The following CAMKMT variants were observed in gnomAD, a reference collection of about 807,000 sequenced individuals.
CAMKMT encodes calmodulin-lysine N-methyltransferase.
Under a neutral mutation model 48.0 loss-of-function variants are expected in CAMKMT, and 53 were observed. That is an observed-to-expected ratio of 1.10 (90% CI 0.89 to 1.39). CAMKMT has a LOEUF of 1.39. Ranked by LOEUF, CAMKMT falls within the 40% of genes most tolerant of loss-of-function variation. The pLI is 0.00. For missense variants in CAMKMT, 428 were observed against 402.7 expected (o/e 1.06, Z -0.54); for synonymous variants, 165 against 152.3 (o/e 1.08, Z -0.61).
intron 3 of CAMKMT, among the ~76,000 whole-genome samples, chr2:44,481,054 C>T (rs1317725101): frequency 6.6e-6 from 1 of 151,732 alleles, no homozygotes; most frequent in Admixed American, 6.6e-5. Context: ...ATAGTATGTT[C>T]AGAATGATGT....
chr2:44,470,036 A>G (rs1442156489), intron 3 of CAMKMT, among the ~76,000 whole-genome samples: 2 of 152,002 alleles, frequency 1.3e-5, no homozygotes, highest in Non-Finnish European at 2.9e-5. Context: ...TTCTGTATCT[A>G]TCCATAGATA....
chr2:44,704,326 G>A lies in CAMKMT; in HGVS notation c.420G>A (p.Lys140=). 1 of 1,609,430 alleles carries A rather than the reference G, an allele frequency of 6.2e-7. No individual in the cohort carries two copies. The highest frequency in any genetic ancestry group is 8.5e-7 in the Non-Finnish European group (1 of 1,177,510). ...AGGTTTTGGCTTACTACTGCCTCAA[G>A]CACAATAATATATTCAGGTACAGAG... ...SEEVLAYYCL[K]HNNIFRALAV... Residue 140 remains lysine, a synonymous_variant, in exon 4 of 11, where the codon AAG becomes AAA. Coordinates refer to ENST00000378494, the MANE Select transcript of CAMKMT (RefSeq NM_024766.5).
chr2:44,755,432 G>A (rs1344875646), intron 9 of CAMKMT, among the ~76,000 whole-genome samples: 1 of 152,054 alleles, frequency 6.6e-6, no homozygotes, highest in Non-Finnish European at 1.5e-5. Context: ...GATTTTCAGG[G>A]GCGGCTCAAG....
At chr2:44,526,473 A>G (rs988414686) in intron 3 of CAMKMT, among the ~76,000 whole-genome samples, 2 of 152,310 alleles carry the variant, frequency 1.3e-5, no homozygotes, top group East Asian at 1.9e-4. Context: ...GGAGGCCCAG[A>G]AAAGCTGGTC....
intron 3 of CAMKMT, among the ~76,000 whole-genome samples, chr2:44,683,792 C>T (rs1482000026): frequency 1.6e-5 from 2 of 124,678 alleles, no homozygotes; most frequent in Non-Finnish European, 3.1e-5. Flanking sequence ...CACTGCACAC[C>T]AGCCTGGGCG....
intron 8 of CAMKMT, among the ~76,000 whole-genome samples, chr2:44,750,881 C>T (rs543047577): frequency 5.3e-5 from 8 of 152,060 alleles, no homozygotes; most frequent in African/African-American, 1.7e-4. Context: ...GGCATGATGG[C>T]GCATGTCTGT....
At chr2:44,704,454 G>C (rs746671182) in intron 4 of CAMKMT, 111 bp downstream of exon 4, 41 of 728,328 alleles carry the variant, frequency 5.6e-5, no homozygotes, top group Non-Finnish European at 7.9e-5. Context: ...AAAAATATAA[G>C]AAAAGAAAAA....
At position 44,424,297 on chromosome 2, in the gene CAMKMT, G is replaced by C. The variant is rs1684121303; in HGVS notation, c.376+33992G>C. Reference sequence around the variant, plus strand: ...TTTAGGAAGGAATGGGCTTTAGTCAGCTGGGAGCATCGGTAGACGCTCATC... The same window carrying C: ...TTTAGGAAGGAATGGGCTTTAGTCACCTGGGAGCATCGGTAGACGCTCATC... On this transcript the variant is annotated intron_variant, in intron 3 of 10. Coordinates refer to ENST00000378494, the MANE Select transcript of CAMKMT (RefSeq NM_024766.5). Among the ~76,000 whole-genome samples the C allele has an allele frequency of 1.3e-5, 2 of 151,962 alleles. 1 individual carries two copies. Among genetic ancestry groups the C allele is most frequent in the South Asian group, 4.2e-4 (2 of 4,810 alleles).
intron 3 of CAMKMT, among the ~76,000 whole-genome samples, chr2:44,608,696 A>C (rs1055226885): frequency 4.6e-5 from 7 of 152,108 alleles, no homozygotes; most frequent in African/African-American, 1.2e-4. Context: ...TCTGGATCCA[A>C]TCAGAATCCA....
At chr2:44,400,968 A>G (rs1682326504) in intron 3 of CAMKMT, 1 of 142,176 alleles carries the variant, frequency 7.0e-6, no homozygotes, top group Non-Finnish European at 1.5e-5. Flanking sequence ...ATATGTATGT[A>G]CATAAAATAC....
At chr2:44,622,947 C>G (rs545472809) in intron 3 of CAMKMT, among the ~76,000 whole-genome samples, 2 of 152,180 alleles carry the variant, frequency 1.3e-5, no homozygotes, top group Non-Finnish European at 2.9e-5. Flanking sequence ...ATATGCATTC[C>G]CACCAACAGT....
intron 3 of CAMKMT, among the ~76,000 whole-genome samples, chr2:44,513,505 G>A (rs940363890): frequency 6.6e-6 from 1 of 152,084 alleles, no homozygotes; most frequent in African/African-American, 2.4e-5. Flanking sequence ...TCCTGCTTAT[G>A]GATGCTTTAA....
At chr2:44,509,095 C>CAAAGA (rs368578908) in intron 3 of CAMKMT, among the ~76,000 whole-genome samples, 5 of 140,802 alleles carry the variant, frequency 3.6e-5, no homozygotes, top group African/African-American at 1.3e-4. Flanking sequence ...GACCCCATGT[C>CAAAGA]AAAAAAAAAA....
At chr2:44,585,055 A>T (rs1669780869) in intron 3 of CAMKMT, among the ~76,000 whole-genome samples, 1 of 139,396 alleles carries the variant, frequency 7.2e-6, no homozygotes, top group African/African-American at 3.0e-5. Context: ...ACTCCGTCTG[A>T]AAAAAAAAAA....
intron 7 of CAMKMT, among the ~76,000 whole-genome samples, chr2:44,722,753 C>G (rs1051238626): frequency 6.6e-6 from 1 of 152,092 alleles, no homozygotes; most frequent in African/African-American, 2.4e-5. Flanking sequence ...ATTGTACTTT[C>G]TAGTCCATTC....
At chr2:44,749,481 A>C (rs535067119) in intron 8 of CAMKMT, among the ~76,000 whole-genome samples, 2 of 152,342 alleles carry the variant, frequency 1.3e-5, no homozygotes, top group Non-Finnish European at 2.9e-5. Context: ...ATTAATAGTA[A>C]AGCAAAATGA....
At chr2:44,384,522 C>CTTTTTTTTTTTT (rs1680580130) in intron 2 of CAMKMT, among the ~76,000 whole-genome samples, 1 of 66,932 alleles carries the variant, frequency 1.5e-5, no homozygotes, top group African/African-American at 6.1e-5. Context: ...TTTTTTTTTG[C>CTTTTTTTTTTTT]ATTTGCTTTT....
chr2:44,756,932 A>G (rs1680407539), intron 9 of CAMKMT, among the ~76,000 whole-genome samples: 1 of 152,134 alleles, frequency 6.6e-6, no homozygotes, highest in African/African-American at 2.4e-5. Flanking sequence ...CTGAAGGTCT[A>G]GTGTAGTGGG....
intron 3 of CAMKMT, among the ~76,000 whole-genome samples, chr2:44,438,473 A>C (rs1666421652): frequency 6.6e-6 from 1 of 152,238 alleles, no homozygotes. Flanking sequence ...TTACAAAAAT[A>C]ATAAGAGTTA....
Sources: allele counts gnomAD v4.1 joint callset (sites outside exome capture counted in the v4.1 genomes callset), GRCh38; gene constraint gnomAD v4.1.1; transcripts MANE v1.5; gene names NCBI Gene and HGNC (gene_info 2026-07-23, HGNC 2026-07-21).